TAFA4: variants seen among roughly 807,000 people sequenced by gnomAD.
The protein encoded by TAFA4 is TAFA chemokine like family member 4.
A neutral mutation model predicts 21.1 loss-of-function variants in TAFA4; 20 were observed. That is an observed-to-expected ratio of 0.95 (90% CI 0.67 to 1.38). The LOEUF is 1.38. Ranked by LOEUF, TAFA4 falls within the 40% of genes most tolerant of loss-of-function variation. The pLI, the probability that TAFA4 is intolerant of heterozygous loss-of-function variation, is 0.00. For synonymous variants in TAFA4, 71 were observed against 67.4 expected, an observed-to-expected ratio of 1.05 and a Z score of -0.26; for missense variants, 211 against 180.9, an observed-to-expected ratio of 1.17 and a Z score of -0.95.
intron 3 of TAFA4, among the ~76,000 whole-genome samples, chr3:68,780,797 C>T (rs1703139842): frequency 1.3e-5 from 2 of 152,052 alleles, no homozygotes; most frequent in Non-Finnish European, 2.9e-5. Flanking sequence ...AAATAATCAG[C>T]AACTGGCTGG....
intron 3 of TAFA4, among the ~76,000 whole-genome samples, chr3:68,864,958 G>C (rs1324177394): frequency 6.6e-6 from 1 of 152,054 alleles, no homozygotes; most frequent in Non-Finnish European, 1.5e-5. Context: ...AGGGATGGTG[G>C]GAAGGAAAGA....
At position 68,748,568 on chromosome 3, in the gene TAFA4, C is replaced by G. The variant is rs536134528; in HGVS notation, c.286+4295G>C. Among the ~76,000 whole-genome samples, 5 of 152,220 alleles carry G rather than the reference C, an allele frequency of 3.3e-5. 1 individual carries two copies. The South Asian group carries it at 1.0e-3, about 32-fold the overall frequency. On this transcript the variant is annotated intron_variant, in intron 4 of 5. Coordinates refer to ENST00000295569, the MANE Select transcript of TAFA4 (RefSeq NM_182522.5). ...CCATCCTGGCTAACATGGGGAGACC[C>G]CCGTCTCTACTAAAAATACAAAAAA...
At chr3:68,874,339 T>C (rs1368108954) in intron 3 of TAFA4, among the ~76,000 whole-genome samples, 7 of 152,178 alleles carry the variant, frequency 4.6e-5, no homozygotes, top group Non-Finnish European at 7.3e-5. Context: ...GACTACCATA[T>C]GGACCAAAAT....
At chr3:68,743,214 G>A (rs1158231074) in intron 4 of TAFA4, among the ~76,000 whole-genome samples, 1 of 152,062 alleles carries the variant, frequency 6.6e-6, no homozygotes, top group Admixed American at 6.6e-5. Context: ...TAGCCAAATT[G>A]GTTATTTATT....
chr3:68,767,899 T>C (rs900086722), intron 3 of TAFA4, among the ~76,000 whole-genome samples: 1 of 152,070 alleles, frequency 6.6e-6, no homozygotes, highest in African/African-American at 2.4e-5. Context: ...TCTATAAATT[T>C]TCTATCCTTA....
intron 3 of TAFA4, among the ~76,000 whole-genome samples, chr3:68,763,135 A>C (rs887095797): frequency 6.6e-6 from 1 of 152,252 alleles, no homozygotes; most frequent in Non-Finnish European, 1.5e-5. Context: ...TCAACAATTG[A>C]AGATGAGAAA....
intron 1 of TAFA4, among the ~76,000 whole-genome samples, chr3:68,912,611 G>A (rs1325702291): frequency 6.6e-6 from 1 of 152,202 alleles, no homozygotes; most frequent in African/African-American, 2.4e-5. Context: ...TGTGTGTGCC[G>A]CTGCATTCAA....
Position 68,832,006 on chromosome 3 carries a change from C to G in TAFA4, c.130+48724G>C, listed in dbSNP as rs112809606. Among the ~76,000 whole-genome samples the G allele has an allele frequency of 6.2e-3, 942 of 152,252 alleles. 8 individuals carry two copies. Among genetic ancestry groups the G allele is most frequent in the African/African-American group, 0.021 (884 of 41,530 alleles). Reference sequence around the variant, plus strand: ...GCTTGTGTATGCTTCACGAAGCTCTCGTACTGTGGTTTTCACCTCCATCAG... The same window carrying G: ...GCTTGTGTATGCTTCACGAAGCTCTGGTACTGTGGTTTTCACCTCCATCAG... On this transcript the variant is annotated intron_variant, in intron 3 of 5. Coordinates refer to ENST00000295569, the MANE Select transcript of TAFA4 (RefSeq NM_182522.5).
At chr3:68,827,740 T>G (rs1406440844) in intron 3 of TAFA4, among the ~76,000 whole-genome samples, 1 of 152,234 alleles carries the variant, frequency 6.6e-6, no homozygotes, top group African/African-American at 2.4e-5. Context: ...GTTGTTTTTT[T>G]CTTTTAAATT....
chr3:68,752,203 C>A lies in TAFA4; in HGVS notation c.286+660G>T, dbSNP rs1482305348. On this transcript the variant is annotated intron_variant, in intron 4 of 5. Transcript: ENST00000295569. The stretch of plus-strand genomic sequence containing the variant: ...GCAGAGCAACTGCTACAGGACTAAC[C>A]CCATGTATTTGTTCCCCTGGGGACT... Among the ~76,000 whole-genome samples, 5 of 152,142 alleles carry A rather than the reference C, an allele frequency of 3.3e-5. No homozygotes were observed. The East Asian group carries it at 7.7e-4, about 23-fold the overall frequency.
intron 3 of TAFA4, among the ~76,000 whole-genome samples, chr3:68,876,385 G>A (rs921433869): frequency 3.9e-5 from 6 of 152,140 alleles, no homozygotes; most frequent in African/African-American, 9.6e-5. Context: ...CATTTCTGCC[G>A]GCAAAGTACA....
intron 1 of TAFA4, 122 bp downstream of exon 1, chr3:68,932,118 T>G (rs1482240384): frequency 1.3e-5 from 2 of 151,964 alleles, no homozygotes; most frequent in Non-Finnish European, 2.9e-5. Flanking sequence ...TGCACCGAGC[T>G]GAGTTAACTC....
intron 3 of TAFA4, among the ~76,000 whole-genome samples, chr3:68,765,337 A>G (rs2106773416): frequency 6.6e-6 from 1 of 152,290 alleles, no homozygotes; most frequent in Non-Finnish European, 1.5e-5. Flanking sequence ...TAAAAAGTAT[A>G]TTTGTATTGT....
intron 3 of TAFA4, among the ~76,000 whole-genome samples, chr3:68,874,442 T>C (rs2089523189): frequency 6.6e-6 from 1 of 152,122 alleles, no homozygotes; most frequent in South Asian, 2.1e-4. Context: ...TTACCAATGA[T>C]TTTATTTTCC....
intron 3 of TAFA4, among the ~76,000 whole-genome samples, chr3:68,829,255 A>G (rs1704322139): frequency 1.3e-5 from 2 of 152,112 alleles, no homozygotes; most frequent in Admixed American, 1.3e-4. Flanking sequence ...CACATCCACA[A>G]CCATCTGATC....
Position 68,732,983 on chromosome 3 carries a change from G to T in TAFA4, c.*159C>A. ...TAAAATCACGAAGCAGAGAGGGCTG[G>T]GCCAGTTAAGTGAATGCCACCTCTC... On this transcript the variant is annotated 3_prime_UTR_variant, in exon 6 of 6. Coordinates refer to ENST00000295569, the MANE Select transcript of TAFA4 (RefSeq NM_182522.5). The T allele has an allele frequency of 1.2e-6, 1 of 811,456 alleles. No individual in the cohort carries two copies. The highest frequency in any genetic ancestry group is 1.9e-6 in the Non-Finnish European group (1 of 515,750). The allele number at this position is 811,456 out of a possible 1,614,324, so 50.3% of individuals were successfully genotyped here.
intron 3 of TAFA4, among the ~76,000 whole-genome samples, chr3:68,763,687 T>G (rs1702797714): frequency 6.6e-6 from 1 of 152,170 alleles, no homozygotes; most frequent in Non-Finnish European, 1.5e-5. Flanking sequence ...CTACCTTTTC[T>G]AAGGACTTTC....
chr3:68,931,731 G>T (rs929184841), intron 1 of TAFA4, among the ~76,000 whole-genome samples: 1 of 127,946 alleles, frequency 7.8e-6, no homozygotes, highest in Admixed American at 9.0e-5. Flanking sequence ...CGCTCGCTGC[G>T]CCCTTCAAGC....
intron 3 of TAFA4, among the ~76,000 whole-genome samples, chr3:68,759,906 CTAATTT>C (rs1702729060): frequency 6.6e-6 from 1 of 152,094 alleles, no homozygotes; most frequent in Non-Finnish European, 1.5e-5. Flanking sequence ...TGGGTAGGTA[CTAATTT>C]CTATTTATTT....
Sources: allele counts gnomAD v4.1 joint callset (sites outside exome capture counted in the v4.1 genomes callset), GRCh38; gene constraint gnomAD v4.1.1; transcripts MANE v1.5; gene names NCBI Gene and HGNC (gene_info 2026-07-23, HGNC 2026-07-21).